Variants in PCDH9 observed in about 807,000 individuals in gnomAD.
PCDH9 encodes the protein protocadherin 9.
Under a neutral mutation model 70.6 loss-of-function variants are expected in PCDH9, and 24 were observed. The observed-to-expected ratio is 0.34, with a 90% CI of 0.25 to 0.48. The LOEUF (loss-of-function observed/expected upper bound fraction) is 0.48. PCDH9 is among the 20% of genes least tolerant of loss of function. The pLI is 0.99. For synonymous variants in PCDH9, 562 were observed against 558.5 expected, an observed-to-expected ratio of 1.01 and a Z score of -0.09; for missense variants, 1,281 against 1,503.6, an observed-to-expected ratio of 0.85 and a Z score of 2.45.
rs186211388 is a variant in PCDH9, at chr13:66,866,364, C to G, written c.3138+37140G>C. ...GGGCATGGTGGCGGGCGCCTGTAGT[C>G]CCAGCTACTCGGGAGGCTGAGGAAA... On this transcript the variant is annotated intron_variant, in intron 3 of 4. Transcript: ENST00000377865. Among the ~76,000 whole-genome samples, 1,040 of 152,210 alleles carry G rather than the reference C, an allele frequency of 6.8e-3. 11 individuals are homozygous for G. Among genetic ancestry groups the G allele is most frequent in the African/African-American group, 0.024 (992 of 41,522 alleles).
chr13:66,747,679 AC>A (rs1055656198), intron 3 of PCDH9, among the ~76,000 whole-genome samples: 10 of 152,196 alleles, frequency 6.6e-5, no homozygotes, highest in East Asian at 3.8e-4. Context: ...AATCAAAAAA[AC>A]ATAATCAAAA....
At chr13:66,874,859 C>T (rs367851693) in intron 3 of PCDH9, among the ~76,000 whole-genome samples, 2 of 150,082 alleles carry the variant, frequency 1.3e-5, no homozygotes, top group Admixed American at 6.7e-5. Context: ...TTTTTTTCTC[C>T]ATCAGAGTTT....
intron 3 of PCDH9, among the ~76,000 whole-genome samples, chr13:66,796,480 C>T (rs905079236): frequency 6.6e-6 from 1 of 152,142 alleles, no homozygotes; most frequent in Non-Finnish European, 1.5e-5. Context: ...ACAGCTTCCT[C>T]AAATTAGTTG....
chr13:67,083,839 T>C (rs1319316787), intron 2 of PCDH9, among the ~76,000 whole-genome samples: 1 of 152,180 alleles, frequency 6.6e-6, no homozygotes, highest in Non-Finnish European at 1.5e-5. Context: ...CATTTTGAAA[T>C]GGGTTAACAA....
chr13:66,319,690 G>A (rs867784007), intron 4 of PCDH9, among the ~76,000 whole-genome samples: 24 of 151,998 alleles, frequency 1.6e-4, no homozygotes, highest in African/African-American at 5.1e-4. Flanking sequence ...TGCCTAGAAC[G>A]TTGAAAGAGC....
intron 4 of PCDH9, among the ~76,000 whole-genome samples, chr13:66,312,935 G>A (rs1429613659): frequency 1.3e-5 from 2 of 152,148 alleles, no homozygotes; most frequent in Admixed American, 1.3e-4. Context: ...AATAACACAT[G>A]GCCACGCCAA....
At chr13:66,577,881 C>G (rs922859200) in intron 4 of PCDH9, among the ~76,000 whole-genome samples, 2 of 152,126 alleles carry the variant, frequency 1.3e-5, no homozygotes, top group Non-Finnish European at 2.9e-5. Context: ...TAACTGTAAG[C>G]TCAGCTGATA....
At chr13:67,016,371 CA>C (rs1361249659) in intron 2 of PCDH9, among the ~76,000 whole-genome samples, 6 of 152,136 alleles carry the variant, frequency 3.9e-5, no homozygotes, top group Non-Finnish European at 8.8e-5. Context: ...AGAAACTTCC[CA>C]TCTTTTTATG....
intron 3 of PCDH9, among the ~76,000 whole-genome samples, chr13:66,893,256 T>G (rs936217856): frequency 3.9e-5 from 6 of 152,088 alleles, no homozygotes; most frequent in African/African-American, 1.2e-4. Flanking sequence ...ATCAATAAAT[T>G]CTGATTTAGG....
intron 2 of PCDH9, among the ~76,000 whole-genome samples, chr13:67,123,787 A>T (rs997734677): frequency 7.9e-5 from 12 of 152,112 alleles, no homozygotes; most frequent in East Asian, 1.9e-4. Context: ...AGAAGTGATT[A>T]AAAAAGTTAG....
At chr13:66,677,081 T>A (rs769690690) in intron 3 of PCDH9, among the ~76,000 whole-genome samples, 35 of 152,100 alleles carry the variant, frequency 2.3e-4, no homozygotes, top group Non-Finnish European at 3.8e-4. Context: ...TGACCATGGT[T>A]ATAAAATCAT....
chr13:66,937,573 G>A (rs556382730), intron 2 of PCDH9, among the ~76,000 whole-genome samples: 9 of 152,288 alleles, frequency 5.9e-5, no homozygotes, highest in Middle Eastern at 3.4e-3. Flanking sequence ...GTAGTACTCC[G>A]TACTTCCATA....
chr13:66,370,267 C>G (rs1327630074), intron 4 of PCDH9, among the ~76,000 whole-genome samples: 1 of 151,934 alleles, frequency 6.6e-6, no homozygotes, highest in Non-Finnish European at 1.5e-5. Context: ...GTCCCTGTCT[C>G]CCAGTCTCTG....
chr13:67,000,644 G>C (rs1260353650), intron 2 of PCDH9, among the ~76,000 whole-genome samples: 1 of 151,948 alleles, frequency 6.6e-6, no homozygotes, highest in Non-Finnish European at 1.5e-5. Context: ...TAAAGGAATA[G>C]GTAACTTGAC....
intron 4 of PCDH9, among the ~76,000 whole-genome samples, chr13:66,339,326 G>A (rs1470146968): frequency 6.6e-6 from 1 of 151,994 alleles, no homozygotes; most frequent in East Asian, 1.9e-4. Flanking sequence ...TACACTCAAT[G>A]GCAGATGAGC....
intron 4 of PCDH9, among the ~76,000 whole-genome samples, chr13:66,438,295 A>G (rs1425373867): frequency 6.6e-6 from 1 of 152,096 alleles, no homozygotes; most frequent in Non-Finnish European, 1.5e-5. Flanking sequence ...TAATATTACA[A>G]TGGATTAATA....
At chr13:67,204,379 T>C (rs1259129661) in intron 2 of PCDH9, 3 of 152,184 alleles carry the variant, frequency 2.0e-5, no homozygotes, top group Non-Finnish European at 4.4e-5. Context: ...TAGGAGCTGA[T>C]GCCCATTTGC....
At chr13:66,724,166 C>T (rs1281605727) in intron 3 of PCDH9, among the ~76,000 whole-genome samples, 3 of 152,128 alleles carry the variant, frequency 2.0e-5, no homozygotes, top group Non-Finnish European at 2.9e-5. Flanking sequence ...GCTTCAGCAT[C>T]GCTACATAAC....
chr13:66,728,818 C>A (rs942505087), intron 3 of PCDH9, among the ~76,000 whole-genome samples: 1 of 151,870 alleles, frequency 6.6e-6, no homozygotes. Context: ...TCCTTGATAC[C>A]ACCTTATACC....
Sources: allele counts gnomAD v4.1 joint callset (sites outside exome capture counted in the v4.1 genomes callset), GRCh38; gene constraint gnomAD v4.1.1; transcripts MANE v1.5; gene names NCBI Gene and HGNC (gene_info 2026-07-23, HGNC 2026-07-21).